Variants in FXR1 observed in about 807,000 individuals in gnomAD.
FXR1 encodes FMR1 autosomal homolog 1, also known as RNA-binding protein FXR1.
A neutral mutation model predicts 84.0 loss-of-function variants in FXR1; 15 were observed. The observed-to-expected ratio is 0.18, with a 90% CI of 0.12 to 0.27. The LOEUF (loss-of-function observed/expected upper bound fraction) is 0.27, where lower values mean the gene tolerates loss of function less well. Among genes scored for constraint, FXR1 ranks in the 10% least tolerant of loss-of-function variants. The probability of loss-of-function intolerance (pLI) is 1.00; values close to 1 mark genes in which losing one functional copy is unlikely to be tolerated. For missense variants in FXR1, 480 were observed against 774.4 expected, an observed-to-expected ratio of 0.62 and a Z score of 4.51; for synonymous variants, 245 against 250.7, an observed-to-expected ratio of 0.98 and a Z score of 0.21.
intron 11 of FXR1, 75 bp from the exon 12 acceptor site, chr3:180,962,808 C>G: frequency 1.0e-6 from 1 of 959,228 alleles, no homozygotes; most frequent in Non-Finnish European, 1.6e-6. Flanking sequence ...ATAGGGAGTA[C>G]AGCTTTAGCT....
At chr3:180,938,089 C>T (rs1720723666) in intron 3 of FXR1, among the ~76,000 whole-genome samples, 1 of 152,100 alleles carries the variant, frequency 6.6e-6, no homozygotes, top group Non-Finnish European at 1.5e-5. Context: ...GTAACCACCT[C>T]AAAATTATTT....
At chr3:180,974,459 GAAGA>G (rs1368614683) in intron 15 of FXR1, among the ~76,000 whole-genome samples, 2 of 152,152 alleles carry the variant, frequency 1.3e-5, no homozygotes, top group African/African-American at 2.4e-5. Context: ...TTCAGTTCTT[GAAGA>G]GAGAGTGTTG....
chr3:180,919,890 A>C (rs898216204), intron 1 of FXR1, among the ~76,000 whole-genome samples: 2 of 147,314 alleles, frequency 1.4e-5, no homozygotes, highest in African/African-American at 2.5e-5. Flanking sequence ...CTGGTCCCAA[A>C]CTGCTGACCT....
At chr3:180,964,130 T>TTA (rs1186069733) in intron 13 of FXR1, among the ~76,000 whole-genome samples, 1 of 152,204 alleles carries the variant, frequency 6.6e-6, no homozygotes, top group Non-Finnish European at 1.5e-5. Context: ...TCTCATTTTC[T>TTA]TATATATGTT....
At chr3:180,974,617 C>A (rs935444769) in intron 15 of FXR1, among the ~76,000 whole-genome samples, 2 of 152,086 alleles carry the variant, frequency 1.3e-5, no homozygotes, top group Non-Finnish European at 2.9e-5. Context: ...CATTTCAGAT[C>A]GTCCCTACCA....
At chr3:180,950,923 C>T (rs909330731) in intron 7 of FXR1, among the ~76,000 whole-genome samples, 1 of 152,054 alleles carries the variant, frequency 6.6e-6, no homozygotes, top group Non-Finnish European at 1.5e-5. Flanking sequence ...TGCAATAAAA[C>T]ATTTTGTGGC....
intron 1 of FXR1, among the ~76,000 whole-genome samples, chr3:180,924,890 C>CT (rs1023203438): frequency 9.2e-5 from 14 of 152,156 alleles, no homozygotes; most frequent in African/African-American, 3.4e-4. Flanking sequence ...CAATGGTTGT[C>CT]TTTATTTTTT....
Position 180,980,812 on chromosome 3 carries a change from C to T in FXR1, c.*4520C>T, listed in dbSNP as rs1714575142. 2.0e-5 allele frequency: 3 copies of T among 151,934 alleles called. No individual in the cohort carries two copies. Among genetic ancestry groups the T allele is most frequent in the Admixed American group, 2.0e-4 (3 of 15,238 alleles). 9.4% of individuals were successfully genotyped at this position (151,934 alleles called of 1,614,324 possible). The stretch of plus-strand genomic sequence containing the variant: ...CTAAGCTGATAAACAGCACACTGTA[C>T]AGCAGTCCAAAAACTAAAACCAGAG... On this transcript the variant is annotated 3_prime_UTR_variant, in exon 17 of 17. Transcript: ENST00000357559.
At position 180,978,204 on chromosome 3, in the gene FXR1, C is replaced by G. The variant is rs1714409378; in HGVS notation, c.*1912C>G. On this transcript the variant is annotated 3_prime_UTR_variant, in exon 17 of 17. Transcript: ENST00000357559. ...TGTAAAAAAAAAAAAAAAGACTTTT[C>G]ATTTTCTCCCACATAGAATAGTCAG... 1.3e-5 allele frequency: 2 copies of G among 149,090 alleles called. No individual in the cohort carries two copies. The highest frequency in any genetic ancestry group is 4.2e-4 in the South Asian group (2 of 4,708). The allele number at this position is 149,090 out of a possible 1,614,324, so 9.2% of individuals were successfully genotyped here. A position where few individuals can be genotyped will look rare whatever the true frequency, so the allele number is the denominator to read the frequency against.
intron 11 of FXR1, among the ~76,000 whole-genome samples, 170 bp downstream of exon 11, chr3:180,961,724 C>G (rs1352563653): frequency 6.6e-6 from 1 of 152,084 alleles, no homozygotes; most frequent in Admixed American, 6.5e-5. Context: ...TGCCATTGTT[C>G]TACATGAGAA....
chr3:180,962,459 G>A (rs141797875), intron 11 of FXR1, among the ~76,000 whole-genome samples: 10 of 152,274 alleles, frequency 6.6e-5, no homozygotes, highest in African/African-American at 1.4e-4. Context: ...GTCACAACTC[G>A]TGTCACTGCT....
intron 3 of FXR1, among the ~76,000 whole-genome samples, chr3:180,938,784 G>C (rs1720812143): frequency 1.3e-5 from 2 of 152,300 alleles, no homozygotes; most frequent in South Asian, 4.1e-4. Context: ...CCGACCTCAG[G>C]TGATCAGCCT....
chr3:180,971,785 CTTG>C (rs1270275419), intron 15 of FXR1: 1 of 152,560 alleles, frequency 6.6e-6, no homozygotes, highest in Non-Finnish European at 1.5e-5. Flanking sequence ...TTCAAAGAAA[CTTG>C]TTTGCTGTGT....
At chr3:180,935,448 CATT>C (rs973128084) in intron 3 of FXR1, among the ~76,000 whole-genome samples, 2 of 152,122 alleles carry the variant, frequency 1.3e-5, no homozygotes, top group Non-Finnish European at 2.9e-5. Flanking sequence ...TTAAATTTAT[CATT>C]ATAATTTGGA....
chr3:180,962,248 T>C (rs1712217288), intron 11 of FXR1, among the ~76,000 whole-genome samples: 1 of 152,242 alleles, frequency 6.6e-6, no homozygotes. Flanking sequence ...TGTTACTATT[T>C]TGAGATCACT....
intron 9 of FXR1, 53 bp from the exon 10 acceptor site, chr3:180,957,766 A>G: frequency 1.3e-6 from 1 of 794,826 alleles, no homozygotes; most frequent in Non-Finnish European, 2.1e-6. Flanking sequence ...ACACTGAAAG[A>G]ATAGCAGAAT....
intron 9 of FXR1, 98 bp from the exon 10 acceptor site, chr3:180,957,720 TG>T: frequency 1.7e-6 from 1 of 604,234 alleles, no homozygotes. Flanking sequence ...ACTTGATGGT[TG>T]TAATTTAGTA....
intron 10 of FXR1, among the ~76,000 whole-genome samples, chr3:180,958,572 T>C (rs1711641786): frequency 6.6e-6 from 1 of 152,184 alleles, no homozygotes; most frequent in Non-Finnish European, 1.5e-5. Flanking sequence ...TTTGTTCCTT[T>C]TTATGGCTGA....
intron 15 of FXR1, chr3:180,971,156 G>C: frequency 8.1e-7 from 1 of 1,231,974 alleles, no homozygotes; most frequent in South Asian, 1.3e-5. Flanking sequence ...AGACAGCCAG[G>C]TAACTTGAGT....
Sources: allele counts gnomAD v4.1 joint callset (sites outside exome capture counted in the v4.1 genomes callset), GRCh38; gene constraint gnomAD v4.1.1; transcripts MANE v1.5; gene names NCBI Gene and HGNC (gene_info 2026-07-23, HGNC 2026-07-21).